Variants in BNC2 observed in about 807,000 individuals in gnomAD.
BNC2 encodes the protein basonuclin zinc finger protein 2, also known as zinc finger protein basonuclin-2.
Under a neutral mutation model 76.3 loss-of-function variants are expected in BNC2, and 20 were observed. The ratio of observed to expected loss-of-function variants is 0.26; its 90% CI spans 0.18 to 0.38. BNC2 has a LOEUF of 0.38. BNC2 is among the 10% of genes least tolerant of loss of function. The pLI is 1.00. For missense variants in BNC2, 1,382 were observed against 1,399.8 expected (o/e 0.99, Z 0.20); for synonymous variants, 582 against 514.8 (o/e 1.13, Z -1.77).
At chr9:16,718,230 A>G (rs1446654833) in intron 3 of BNC2, among the ~76,000 whole-genome samples, 1 of 152,220 alleles carries the variant, frequency 6.6e-6, no homozygotes, top group Non-Finnish European at 1.5e-5. Context: ...CCTTATTCCC[A>G]TAACACATCT....
chr9:16,453,127 T>C (rs532119626), intron 5 of BNC2, among the ~76,000 whole-genome samples: 4 of 152,268 alleles, frequency 2.6e-5, no homozygotes, highest in Admixed American at 6.5e-5. Flanking sequence ...TACTAGTACC[T>C]ACACTTTGCT....
chr9:16,690,077 A>ATTT (rs1298960501), intron 3 of BNC2, among the ~76,000 whole-genome samples: 3 of 152,198 alleles, frequency 2.0e-5, no homozygotes, highest in Non-Finnish European at 4.4e-5. Context: ...AGGAGACAAA[A>ATTT]TTCTGGGCCT....
intron 3 of BNC2, among the ~76,000 whole-genome samples, chr9:16,657,132 G>C (rs557923495): frequency 2.6e-5 from 4 of 152,102 alleles, no homozygotes; most frequent in Admixed American, 6.6e-5. Flanking sequence ...CTGGGTTGGA[G>C]AAACAGGTGG....
At chr9:16,520,204 T>C (rs1817574611) in intron 5 of BNC2, among the ~76,000 whole-genome samples, 1 of 152,112 alleles carries the variant, frequency 6.6e-6, no homozygotes, top group Non-Finnish European at 1.5e-5. Context: ...AAAACAATCA[T>C]CTCACACTGC....
intron 2 of BNC2, among the ~76,000 whole-genome samples, chr9:16,730,066 T>C (rs1279993259): frequency 6.6e-6 from 1 of 151,800 alleles, no homozygotes; most frequent in South Asian, 2.1e-4. Flanking sequence ...TTCTCAGTCC[T>C]GCAGTCCTCT....
chr9:16,436,402 T>C lies in BNC2; in HGVS notation c.1792A>G (p.Ser598Gly), dbSNP rs1821015787. 6.2e-7 allele frequency: 1 copy of C among 1,614,058 alleles called. No individual in the cohort carries two copies. The highest frequency in any genetic ancestry group is 8.5e-7 in the Non-Finnish European group (1 of 1,180,006). Residue 598 changes from serine (S) to glycine (G), a missense_variant, in exon 6 of 7, where the codon AGT becomes GGT. Physicochemically the swap from Ser to Gly is moderately conservative, Grantham distance 56. Coordinates refer to ENST00000380672, the MANE Select transcript of BNC2 (RefSeq NM_017637.6). ...GGGGGGTGCTGCTCTATGGTACCAC[T>C]GGTTGGAATGATGGGACTGGTTGGG... ...SLPTSPIIPT[S>G]GTIEQHPPPP...
intron 1 of BNC2, among the ~76,000 whole-genome samples, chr9:16,843,686 T>A (rs1371943718): frequency 6.6e-6 from 1 of 152,228 alleles, no homozygotes; most frequent in Admixed American, 6.5e-5. Flanking sequence ...ACCAAGTAAA[T>A]GGGTTTTAGT....
intron 1 of BNC2, among the ~76,000 whole-genome samples, chr9:16,776,808 A>C (rs1825979770): frequency 6.6e-6 from 1 of 152,214 alleles, no homozygotes; most frequent in South Asian, 2.1e-4. Flanking sequence ...AGAAACGAAT[A>C]TGAAGGAATC....
intron 1 of BNC2, among the ~76,000 whole-genome samples, chr9:16,869,236 C>G (rs989026169): frequency 3.3e-5 from 5 of 152,050 alleles, no homozygotes; most frequent in African/African-American, 1.2e-4. Flanking sequence ...TAAAACAGGC[C>G]ACTTTTTGCC....
intron 3 of BNC2, among the ~76,000 whole-genome samples, chr9:16,597,708 G>C (rs2133254850): frequency 6.6e-6 from 1 of 152,184 alleles, no homozygotes; most frequent in South Asian, 2.1e-4. Context: ...GAAGGCATAA[G>C]CTTTACCTGC....
intron 1 of BNC2, among the ~76,000 whole-genome samples, chr9:16,826,226 C>T (rs12686459): frequency 1.1e-4 from 14 of 127,916 alleles, no homozygotes; most frequent in Non-Finnish European, 1.9e-4. Flanking sequence ...CACTCCCCCC[C>T]GCTCAATCTT....
intron 3 of BNC2, among the ~76,000 whole-genome samples, chr9:16,690,140 T>C (rs1482145821): frequency 6.6e-6 from 1 of 152,060 alleles, no homozygotes; most frequent in Non-Finnish European, 1.5e-5. Flanking sequence ...ACCAAGAATA[T>C]AGAACCTAAG....
intron 3 of BNC2, among the ~76,000 whole-genome samples, chr9:16,632,658 G>A (rs1821196932): frequency 1.3e-5 from 2 of 152,108 alleles, no homozygotes; most frequent in Non-Finnish European, 2.9e-5. Context: ...ATACACTTAG[G>A]TCTAGAACAC....
At chr9:16,818,338 A>G (rs1818233297) in intron 1 of BNC2, among the ~76,000 whole-genome samples, 1 of 152,260 alleles carries the variant, frequency 6.6e-6, no homozygotes, top group Non-Finnish European at 1.5e-5. Context: ...TTGGAGGCGG[A>G]GCTTGTAGTG....
intron 5 of BNC2, among the ~76,000 whole-genome samples, chr9:16,545,646 A>C (rs1347430376): frequency 6.6e-6 from 1 of 152,138 alleles, no homozygotes; most frequent in African/African-American, 2.4e-5. Context: ...ACAGACCTGT[A>C]CTCATTTTCC....
intron 1 of BNC2, among the ~76,000 whole-genome samples, chr9:16,763,475 C>G (rs1825609169): frequency 6.6e-6 from 1 of 151,964 alleles, no homozygotes; most frequent in Admixed American, 6.6e-5. Context: ...GAAGCTGAGG[C>G]AGAAGGATCA....
At chr9:16,422,481 T>C (rs1330075727) in intron 6 of BNC2, among the ~76,000 whole-genome samples, 1 of 152,238 alleles carries the variant, frequency 6.6e-6, no homozygotes, top group African/African-American at 2.4e-5. Flanking sequence ...GGTTCATTCA[T>C]GGTAGTCGAT....
rs568955982 is a variant in BNC2 at position 16,506,513 on chromosome 9, C to CTTTTTTTTTTTTTTT, written c.669+46002_669+46016dup. 4.6e-5 allele frequency among the ~76,000 whole-genome samples: 2 copies of CTTTTTTTTTTTTTTT among 43,314 alleles called. 1 individual carries two copies. Among genetic ancestry groups the CTTTTTTTTTTTTTTT allele is most frequent in the African/African-American group, 1.6e-4 (2 of 12,382 alleles). The allele number at this position is 43,314 out of a possible 152,430, so 28.4% of individuals were successfully genotyped here. A position where few individuals can be genotyped will look rare whatever the true frequency, so the allele number is the denominator to read the frequency against. ...GTACACTTCTCTCTCTCTCTCTCCTCTTTTTTTTTTTTTTTTTTTTTTTTT... is the reference window on the plus strand; with the variant it reads ...GTACACTTCTCTCTCTCTCTCTCCTCTTTTTTTTTTTTTTTTTTTTTTTTTTTTTTTTTTTTTTTT... On this transcript the variant is annotated intron_variant, in intron 5 of 6. Coordinates refer to ENST00000380672, the MANE Select transcript of BNC2 (RefSeq NM_017637.6).
chr9:16,483,548 T>C (rs935898586), intron 5 of BNC2, among the ~76,000 whole-genome samples: 1 of 152,194 alleles, frequency 6.6e-6, no homozygotes, highest in Admixed American at 6.5e-5. Flanking sequence ...ATACACAGTA[T>C]ATGCCATGAA....
Sources: allele counts gnomAD v4.1 joint callset (sites outside exome capture counted in the v4.1 genomes callset), GRCh38; gene constraint gnomAD v4.1.1; transcripts MANE v1.5; gene names NCBI Gene and HGNC (gene_info 2026-07-23, HGNC 2026-07-21).